The following KSR2 variants were observed in gnomAD, a reference collection of about 807,000 sequenced individuals.
KSR2 encodes the protein kinase suppressor of ras 2.
In KSR2, 25 loss-of-function variants were observed where a neutral mutation model predicts 107.8. That is an observed-to-expected ratio of 0.23 (90% CI 0.17 to 0.32). The LOEUF is 0.32. Ranked by LOEUF, KSR2 falls within the 10% of genes least tolerant of loss-of-function variation. KSR2 has a pLI of 1.00. For missense variants in KSR2, 887 were observed against 1,268.9 expected (o/e 0.70, Z 4.57); for synonymous variants, 480 against 507.0 (o/e 0.95, Z 0.71).
chr12:117,839,542 A>G (rs1273122675), intron 3 of KSR2, among the ~76,000 whole-genome samples: 2 of 152,302 alleles, frequency 1.3e-5, no homozygotes, highest in East Asian at 3.9e-4. Context: ...TGTTTTTAAT[A>G]TTTTATCGTT....
chr12:117,695,196 G>A (rs918433192), intron 4 of KSR2, among the ~76,000 whole-genome samples: 1 of 152,086 alleles, frequency 6.6e-6, no homozygotes, highest in African/African-American at 2.4e-5. Context: ...AAATTGTCGA[G>A]ATAGAAAATA....
intron 1 of KSR2, among the ~76,000 whole-genome samples, chr12:117,943,131 G>A (rs1384189538): frequency 1.3e-5 from 2 of 152,032 alleles, no homozygotes; most frequent in African/African-American, 4.8e-5. Context: ...TCTGTAACGA[G>A]GTGTCAACAA....
chr12:117,886,182 T>C (rs903603586), intron 1 of KSR2, among the ~76,000 whole-genome samples: 1 of 150,506 alleles, frequency 6.6e-6, no homozygotes, highest in African/African-American at 2.4e-5. Flanking sequence ...ATATAATATT[T>C]GTATAGGTAT....
At chr12:117,521,891 G>A (rs1160834867) in intron 14 of KSR2, among the ~76,000 whole-genome samples, 1 of 152,190 alleles carries the variant, frequency 6.6e-6, no homozygotes, top group Non-Finnish European at 1.5e-5. Context: ...AACCTGGAGA[G>A]CCAACAAGTG....
chr12:117,820,088 A>T (rs502394), intron 3 of KSR2, among the ~76,000 whole-genome samples: 35,919 of 152,162 alleles, frequency 0.24, 4,416 homozygotes, highest in Admixed American at 0.3. Flanking sequence ...TCATTTTTCA[A>T]AATTTTCACA....
At position 117,596,917 on chromosome 12, in the gene KSR2, A is replaced by G. The variant is rs529465478; in HGVS notation, c.1172-14558T>C. 6.5e-4 allele frequency among the ~76,000 whole-genome samples: 99 copies of G among 152,356 alleles called. 1 individual carries two copies. Among genetic ancestry groups the G allele is most frequent in the Admixed American group, 5.9e-4 (9 of 15,308 alleles). ...TTTGACAAAGCACTGTGGTTCGCAG[A>G]TAAACACTTCATATCTTCCCTTCAA... On this transcript the variant is annotated intron_variant, in intron 5 of 19. Transcript: ENST00000339824.
chr12:117,957,925 G>C (rs775061748), intron 1 of KSR2, among the ~76,000 whole-genome samples: 4 of 151,660 alleles, frequency 2.6e-5, no homozygotes, highest in Non-Finnish European at 5.9e-5. Context: ...TGCGCCTCCT[G>C]GGTTCAAGCG....
intron 3 of KSR2, among the ~76,000 whole-genome samples, chr12:117,787,021 C>T (rs1029646693): frequency 8.3e-6 from 1 of 121,048 alleles, no homozygotes; most frequent in Admixed American, 8.5e-5. Context: ...AAGAGCAAAA[C>T]TCCATCTCAA....
chr12:117,677,403 G>T (rs74426856), intron 4 of KSR2, among the ~76,000 whole-genome samples: 1 of 152,156 alleles, frequency 6.6e-6, no homozygotes, highest in Non-Finnish European at 1.5e-5. Flanking sequence ...TATAGAAGCC[G>T]CCATGTAAGG....
chr12:117,942,348 T>C (rs116706352), intron 1 of KSR2, among the ~76,000 whole-genome samples: 2,206 of 152,226 alleles, frequency 0.014, 55 homozygotes, highest in African/African-American at 0.05. Context: ...GAGCTATATT[T>C]TTGACCCACT....
chr12:117,773,270 C>A (rs1316519331), intron 3 of KSR2, among the ~76,000 whole-genome samples: 1 of 152,104 alleles, frequency 6.6e-6, no homozygotes, highest in African/African-American at 2.4e-5. Context: ...TATTTCAAGT[C>A]TTGAAATGGG....
At chr12:117,575,275 T>C (rs994926039) in intron 7 of KSR2, among the ~76,000 whole-genome samples, 21 of 152,308 alleles carry the variant, frequency 1.4e-4, no homozygotes, top group Admixed American at 1.2e-3. Flanking sequence ...CAATAAATAT[T>C]AGTTGAATAA....
chr12:117,714,056 C>T (rs906795983), intron 4 of KSR2, among the ~76,000 whole-genome samples: 7 of 150,488 alleles, frequency 4.7e-5, no homozygotes, highest in African/African-American at 9.8e-5. Context: ...GATTTGGGGG[C>T]GGGATGGAGT....
In KSR2 at chr12:117,871,406, T is replaced by C. The variant is rs180783141; in HGVS notation, c.181-10975A>G. Among the ~76,000 whole-genome samples the C allele has an allele frequency of 1.1e-3, 169 of 152,196 alleles. 2 individuals carry two copies. The highest frequency in any genetic ancestry group is 4.0e-3 in the African/African-American group (165 of 41,520). On this transcript the variant is annotated intron_variant, in intron 1 of 19. Coordinates refer to ENST00000339824, the MANE Select transcript of KSR2 (RefSeq NM_173598.6). ...GAGTTCAAGAGCAGCCTGGACAACATGGTGAAACCCCGTCACTACTAAAAC... is the reference window on the plus strand; with the variant it reads ...GAGTTCAAGAGCAGCCTGGACAACACGGTGAAACCCCGTCACTACTAAAAC...
intron 4 of KSR2, among the ~76,000 whole-genome samples, chr12:117,736,838 G>T (rs1054595645): frequency 6.6e-6 from 1 of 151,072 alleles, no homozygotes; most frequent in African/African-American, 2.4e-5. Flanking sequence ...GAAAAGAAAA[G>T]AAAATTAAAA....
intron 9 of KSR2, among the ~76,000 whole-genome samples, chr12:117,553,654 T>C (rs776161862): frequency 6.6e-6 from 1 of 152,180 alleles, no homozygotes; most frequent in African/African-American, 2.4e-5. Context: ...ATGTTGAAAT[T>C]TGAACCCAGT....
intron 10 of KSR2, 119 bp downstream of exon 10, chr12:117,539,598 TTG>T: frequency 1.1e-6 from 1 of 934,046 alleles, no homozygotes; most frequent in Non-Finnish European, 1.5e-6. Flanking sequence ...TCTCTGGTCA[TTG>T]ACCCATTCGC....
intron 4 of KSR2, among the ~76,000 whole-genome samples, chr12:117,699,137 T>G (rs76602617): frequency 6.6e-6 from 1 of 152,338 alleles, no homozygotes; most frequent in Non-Finnish European, 1.5e-5. Context: ...TCTCCCCTCA[T>G]CAAGCTATAT....
chr12:117,789,078 C>G (rs1890173502), intron 3 of KSR2, among the ~76,000 whole-genome samples: 1 of 152,194 alleles, frequency 6.6e-6, no homozygotes, highest in Non-Finnish European at 1.5e-5. Flanking sequence ...GTCCAGTGAT[C>G]TCACTTTGCA....
Sources: allele counts gnomAD v4.1 joint callset (sites outside exome capture counted in the v4.1 genomes callset), GRCh38; gene constraint gnomAD v4.1.1; transcripts MANE v1.5; gene names NCBI Gene and HGNC (gene_info 2026-07-23, HGNC 2026-07-21).